The following RANBP17 variants were observed in gnomAD, a reference collection of about 807,000 sequenced individuals.
The protein encoded by RANBP17 is ran-binding protein 17.
A neutral mutation model predicts 141.2 loss-of-function variants in RANBP17; 158 were observed. That is an observed-to-expected ratio of 1.12 (90% CI 0.98 to 1.28). The LOEUF is 1.28. Among genes scored for constraint, RANBP17 ranks in the 50% most tolerant of loss-of-function variants. RANBP17 has a pLI of 0.00. For missense variants in RANBP17, 1,438 were observed against 1,290.7 expected (o/e 1.11, Z -1.75); for synonymous variants, 430 against 450.0 (o/e 0.96, Z 0.56).
chr5:171,089,506 T>C (rs1786029263), intron 14 of RANBP17, among the ~76,000 whole-genome samples: 1 of 152,076 alleles, frequency 6.6e-6, no homozygotes, highest in Admixed American at 6.5e-5. Flanking sequence ...GCTTCCCGGC[T>C]GCTTTGTTTA....
chr5:170,913,624 A>T (rs1771709305), intron 7 of RANBP17, among the ~76,000 whole-genome samples: 1 of 152,024 alleles, frequency 6.6e-6, no homozygotes, highest in South Asian at 2.1e-4. Context: ...GAGAGGATTG[A>T]TTGTGGAGAG....
chr5:171,136,315 A>G (rs962972813), intron 14 of RANBP17, among the ~76,000 whole-genome samples: 14 of 152,190 alleles, frequency 9.2e-5, no homozygotes, highest in African/African-American at 3.4e-4. Flanking sequence ...AAGAATATCA[A>G]CTGGATGTTC....
intron 25 of RANBP17, among the ~76,000 whole-genome samples, chr5:171,293,106 G>A (rs1006241126): frequency 2.6e-5 from 4 of 152,020 alleles, no homozygotes; most frequent in African/African-American, 7.3e-5. Context: ...TACCTTCTCC[G>A]TGCAGTCTTC....
At chr5:171,045,738 G>A (rs1054290159) in intron 14 of RANBP17, among the ~76,000 whole-genome samples, 1 of 152,100 alleles carries the variant, frequency 6.6e-6, no homozygotes, top group Non-Finnish European at 1.5e-5. Context: ...CTTTTCTGGT[G>A]TACAGTTCTG....
intron 24 of RANBP17, chr5:171,251,874 G>A (rs2128004886): frequency 1.4e-6 from 2 of 1,463,248 alleles, no homozygotes; most frequent in Non-Finnish European, 9.6e-7. Context: ...CCAATGCTTC[G>A]GCATTAGAGA....
At chr5:171,237,671 G>A (rs1020366260) in intron 22 of RANBP17, among the ~76,000 whole-genome samples, 1 of 152,190 alleles carries the variant, frequency 6.6e-6, no homozygotes, top group Admixed American at 6.5e-5. Flanking sequence ...TTTGTGTGCT[G>A]CTACAGTAGT....
intron 14 of RANBP17, among the ~76,000 whole-genome samples, chr5:171,167,329 CAA>C (rs942699565): frequency 3.9e-5 from 6 of 151,958 alleles, no homozygotes; most frequent in African/African-American, 1.4e-4. Context: ...ATGATTAAAA[CAA>C]AAATTATGTC....
At chr5:171,042,971 C>G (rs1380620690) in intron 14 of RANBP17, among the ~76,000 whole-genome samples, 3 of 151,920 alleles carry the variant, frequency 2.0e-5, no homozygotes, top group Non-Finnish European at 2.9e-5. Context: ...TTAGTGGGCA[C>G]AAAAGTGGAT....
chr5:170,980,113 C>T (rs996108118), intron 14 of RANBP17, among the ~76,000 whole-genome samples: 33 of 152,250 alleles, frequency 2.2e-4, no homozygotes, highest in African/African-American at 7.5e-4. Flanking sequence ...TGACCCTACC[C>T]TAGAGATCTG....
intron 18 of RANBP17, among the ~76,000 whole-genome samples, chr5:171,197,354 C>T (rs779267224): frequency 6.6e-6 from 1 of 152,150 alleles, no homozygotes; most frequent in Non-Finnish European, 1.5e-5. Flanking sequence ...ATTTAATCTT[C>T]ACAGTGACCC....
chr5:170,964,731 C>A (rs1156817588), intron 13 of RANBP17, among the ~76,000 whole-genome samples: 1 of 152,184 alleles, frequency 6.6e-6, no homozygotes, highest in Non-Finnish European at 1.5e-5. Flanking sequence ...ATGAACTCAT[C>A]ATTTTTTAAG....
At chr5:171,052,479 A>G (rs1015820466) in intron 14 of RANBP17, among the ~76,000 whole-genome samples, 2 of 152,194 alleles carry the variant, frequency 1.3e-5, no homozygotes, top group African/African-American at 4.8e-5. Context: ...TGAAGATACT[A>G]TTCTTTCCCC....
intron 16 of RANBP17, among the ~76,000 whole-genome samples, chr5:171,179,035 C>T (rs1248087484): frequency 1.3e-5 from 2 of 152,120 alleles, no homozygotes; most frequent in Non-Finnish European, 2.9e-5. Context: ...AGTTAGATCC[C>T]ATTTGTCAAT....
intron 14 of RANBP17, among the ~76,000 whole-genome samples, chr5:171,075,376 G>A (rs956617015): frequency 5.3e-5 from 8 of 151,882 alleles, no homozygotes; most frequent in Non-Finnish European, 1.0e-4. Context: ...AATGATAAAA[G>A]TAAAGTATTG....
rs749422217 is a variant in RANBP17, at chr5:171,183,374, TCAGGTGTCGAACAACCTTCTACACAG to T, written c.1984_2009del (p.Arg662AlafsTer11). 2.5e-6 allele frequency: 4 copies of T among 1,614,058 alleles called. No homozygotes were observed. In the Admixed American group the frequency reaches 6.7e-5, roughly 27 times the overall value. ...AGTGACAATCATAGTCTCAGCGACTTCAGGTGTCGAACAACCTTCTACACAGCGCTCACTCGCCTTCTGATGGTAGA... is the reference window on the plus strand; with the variant it reads ...AGTGACAATCATAGTCTCAGCGACTTCGCTCACTCGCCTTCTGATGGTAGA... On this transcript the variant is annotated frameshift_variant, in exon 18 of 28. Transcript: ENST00000523189. LOFTEE classifies it high-confidence loss of function.
chr5:171,164,449 A>T (rs1759541517), intron 14 of RANBP17, among the ~76,000 whole-genome samples: 1 of 152,174 alleles, frequency 6.6e-6, no homozygotes, highest in South Asian at 2.1e-4. Context: ...TTCCCTTTTT[A>T]AAACCATATG....
At chr5:171,171,690 A>T (rs1051970094) in intron 16 of RANBP17, among the ~76,000 whole-genome samples, 2 of 152,008 alleles carry the variant, frequency 1.3e-5, no homozygotes, top group African/African-American at 4.8e-5. Flanking sequence ...CCTTATAAAA[A>T]CTGCATTCCT....
chr5:170,978,064 T>G (rs1777510124), intron 14 of RANBP17, among the ~76,000 whole-genome samples: 1 of 152,018 alleles, frequency 6.6e-6, no homozygotes. Flanking sequence ...CAACAAGCAC[T>G]GAAAAAAGGT....
chr5:171,295,366 A>G (rs1275698053), intron 26 of RANBP17, among the ~76,000 whole-genome samples: 3 of 152,164 alleles, frequency 2.0e-5, no homozygotes, highest in Admixed American at 1.3e-4. Flanking sequence ...CCCACCTCAG[A>G]GGAGTAAACC....
Sources: gnomAD v4.1 joint callset for allele counts (sites outside exome capture counted in the v4.1 genomes callset) on GRCh38, gnomAD v4.1.1 for gene constraint, MANE v1.5 for transcripts, NCBI Gene and HGNC (gene_info 2026-07-23, HGNC 2026-07-21) for gene names.